Variants in SPATA13 observed in about 807,000 individuals in gnomAD.
SPATA13 encodes the protein spermatogenesis associated 13.
SPATA13 carries 50 observed loss-of-function variants against 104.0 expected under a neutral mutation model. The observed-to-expected ratio is 0.48, with a 90% CI of 0.38 to 0.61. SPATA13 has a LOEUF of 0.61. SPATA13 is among the 20% of genes least tolerant of loss of function. The pLI is 0.00. For missense variants in SPATA13, 1,524 were observed against 1,690.6 expected (o/e 0.90, Z 1.73); for synonymous variants, 606 against 667.5 (o/e 0.91, Z 1.42).
intron 3 of SPATA13, among the ~76,000 whole-genome samples, chr13:24,084,465 C>G (rs1377200351): frequency 1.3e-5 from 2 of 152,206 alleles, no homozygotes; most frequent in African/African-American, 4.8e-5. Context: ...TTTTTGCACC[C>G]TGACTCACTT....
At chr13:24,128,764 C>T (rs901631922) in intron 3 of SPATA13, among the ~76,000 whole-genome samples, 10 of 151,546 alleles carry the variant, frequency 6.6e-5, no homozygotes, top group Admixed American at 1.3e-4. Flanking sequence ...GCTTACTTCC[C>T]TTAAAAAATA....
intron 2 of SPATA13, among the ~76,000 whole-genome samples, chr13:24,014,029 G>A (rs9580827): frequency 0.038 from 5,825 of 152,224 alleles, 354 homozygotes; most frequent in African/African-American, 0.13. Context: ...GGCTGTATAC[G>A]CTTGCTAGGG....
intron 2 of SPATA13, among the ~76,000 whole-genome samples, chr13:24,017,218 AC>A (rs1310879456): frequency 6.6e-6 from 1 of 152,256 alleles, no homozygotes; most frequent in Non-Finnish European, 1.5e-5. Flanking sequence ...CGTGCCAGGC[AC>A]TGCTCTGAGA....
chr13:24,142,997 A>T (rs1881812493), intron 3 of SPATA13, among the ~76,000 whole-genome samples: 1 of 152,172 alleles, frequency 6.6e-6, no homozygotes, highest in Non-Finnish European at 1.5e-5. Flanking sequence ...GGTTGGGTTC[A>T]CACAGAAGCT....
chr13:24,278,445 A>AT (rs563522708), intron 4 of SPATA13, among the ~76,000 whole-genome samples: 7 of 151,826 alleles, frequency 4.6e-5, no homozygotes, highest in East Asian at 3.9e-4. Flanking sequence ...TCTATTTTTA[A>AT]TTTTTTTTTA....
At chr13:24,068,959 G>T (rs1382970595) in intron 3 of SPATA13, among the ~76,000 whole-genome samples, 1 of 152,144 alleles carries the variant, frequency 6.6e-6, no homozygotes, top group Non-Finnish European at 1.5e-5. Flanking sequence ...TCCGTAGGTT[G>T]TTTGTTCACT....
chr13:24,067,186 T>C (rs1020145592), intron 3 of SPATA13, among the ~76,000 whole-genome samples: 1 of 152,130 alleles, frequency 6.6e-6, no homozygotes, highest in East Asian at 1.9e-4. Context: ...ATCTTTACAC[T>C]TCAGTCTCAG....
rs751057547 is a variant in SPATA13 at position 24,257,768 on chromosome 13, A to G, written c.2164+5906A>G. Among the ~76,000 whole-genome samples the G allele has an allele frequency of 1.3e-5, 2 of 152,206 alleles. 1 individual carries two copies. The highest frequency in any genetic ancestry group is 2.9e-5 in the Non-Finnish European group (2 of 68,042). On this transcript the variant is annotated intron_variant, in intron 4 of 12. Transcript: ENST00000382108. ...TGCTAGCAGGCAGGTTGTAAAACTA[A>G]ATCATAACCACCTATCCACATTTTT...
At chr13:24,267,090 C>T (rs1479924030) in intron 4 of SPATA13, among the ~76,000 whole-genome samples, 2 of 152,136 alleles carry the variant, frequency 1.3e-5, no homozygotes, top group African/African-American at 4.8e-5. Flanking sequence ...CTATCATGCC[C>T]CTTTCTACAT....
intron 3 of SPATA13, among the ~76,000 whole-genome samples, chr13:24,064,314 C>T (rs1235896391): frequency 6.6e-6 from 1 of 152,218 alleles, no homozygotes; most frequent in African/African-American, 2.4e-5. Context: ...ATTCAGATTA[C>T]ATTTAAATGA....
upstream of SPATA13, among the ~76,000 whole-genome samples, chr13:24,160,523 C>A (rs966213391): frequency 6.6e-6 from 1 of 152,178 alleles, no homozygotes; most frequent in Non-Finnish European, 1.5e-5. Context: ...GGATTACAGG[C>A]AAGAGCCACT....
chr13:24,268,008 A>G (rs1566181098), intron 4 of SPATA13, among the ~76,000 whole-genome samples: 3 of 152,254 alleles, frequency 2.0e-5, no homozygotes, highest in Non-Finnish European at 2.9e-5. Flanking sequence ...ACCAGCTCCC[A>G]GTCATGCTGA....
At chr13:24,098,258 T>A (rs1163243712) in intron 3 of SPATA13, among the ~76,000 whole-genome samples, 3 of 152,060 alleles carry the variant, frequency 2.0e-5, no homozygotes, top group African/African-American at 7.2e-5. Flanking sequence ...TAAAAAGTAA[T>A]TTCAGAAATG....
chr13:24,072,757 C>T (rs1879208746), intron 3 of SPATA13, among the ~76,000 whole-genome samples: 1 of 151,888 alleles, frequency 6.6e-6, no homozygotes, highest in Non-Finnish European at 1.5e-5. Flanking sequence ...GCCTCTCCTC[C>T]CTCGGCATCG....
At chr13:24,169,139 C>T (rs929130231) in intron 1 of SPATA13, among the ~76,000 whole-genome samples, 16 of 151,966 alleles carry the variant, frequency 1.1e-4, no homozygotes, top group East Asian at 5.8e-4. Flanking sequence ...CCTTGGGCCA[C>T]GCTGTCAGAA....
At chr13:23,991,841 T>C (rs2137660261) in intron 2 of SPATA13, among the ~76,000 whole-genome samples, 1 of 152,146 alleles carries the variant, frequency 6.6e-6, no homozygotes, top group South Asian at 2.1e-4. Context: ...TCTGTATTGT[T>C]TCTGAGAAGA....
At chr13:24,266,780 T>G (rs1874315947) in intron 4 of SPATA13, among the ~76,000 whole-genome samples, 1 of 151,924 alleles carries the variant, frequency 6.6e-6, no homozygotes, top group South Asian at 2.1e-4. Flanking sequence ...ATTTGGGGGT[T>G]GGATTTTTCT....
intron 3 of SPATA13, among the ~76,000 whole-genome samples, chr13:24,054,956 G>A (rs1878487565): frequency 6.6e-6 from 1 of 152,134 alleles, no homozygotes; most frequent in African/African-American, 2.4e-5. Flanking sequence ...CCTTTCAGAA[G>A]CTGGTTATTA....
chr13:24,222,788 G>T, intron 1 of SPATA13, 31 bp from the exon 2 acceptor site: 1 of 1,489,992 alleles, frequency 6.7e-7, no homozygotes, highest in East Asian at 2.5e-5. Flanking sequence ...GTGGGAAATG[G>T]CTAAACCGCC....
Sources: gnomAD v4.1 joint callset for allele counts (sites outside exome capture counted in the v4.1 genomes callset) on GRCh38, gnomAD v4.1.1 for gene constraint, MANE v1.5 for transcripts, NCBI Gene and HGNC (gene_info 2026-07-23, HGNC 2026-07-21) for gene names.